The following IQCK variants were observed in gnomAD, a reference collection of about 807,000 sequenced individuals.
IQCK encodes IQ domain-containing protein K.
Under a neutral mutation model 28.1 loss-of-function variants are expected in IQCK, and 29 were observed. The ratio of observed to expected loss-of-function variants is 1.03; its 90% CI spans 0.77 to 1.41. IQCK has a LOEUF of 1.41. Ranked by LOEUF, IQCK falls within the 40% of genes most tolerant of loss-of-function variation. IQCK has a pLI of 0.00. For missense variants in IQCK, 359 were observed against 314.7 expected, an observed-to-expected ratio of 1.14 and a Z score of -1.07; for synonymous variants, 113 against 115.1, an observed-to-expected ratio of 0.98 and a Z score of 0.12.
At chr16:19,856,378 G>C (rs980294994) in intron 9 of IQCK, 109 bp from the exon 9 acceptor site, 45 of 805,120 alleles carry the variant, frequency 5.6e-5, no homozygotes, top group Admixed American at 1.1e-4. Flanking sequence ...GCGCACAGTG[G>C]GTTTTGGTGC....
At chr16:19,830,009 TTGAACGAA>T (rs1452561822), downstream of IQCK, among the ~76,000 whole-genome samples, 6 of 138,040 alleles carry the variant, frequency 4.3e-5, no homozygotes, top group South Asian at 6.8e-4. Context: ...TAAATATCAG[TTGAACGAA>T]TGAATGAATG....
intron 7 of IQCK, among the ~76,000 whole-genome samples, chr16:19,807,186 A>T (rs1750012492): frequency 6.6e-6 from 1 of 152,206 alleles, no homozygotes; most frequent in Non-Finnish European, 1.5e-5. Flanking sequence ...GCCAACAGCC[A>T]TGGGAGGGAG....
chr16:19,730,450 C>A, exon 2 of IQCK: 1 of 1,609,228 alleles, frequency 6.2e-7, no homozygotes, highest in South Asian at 1.1e-5. Context: ...TGAGCAGCCT[C>A]CCTTTCCAGA....
downstream of IQCK, among the ~76,000 whole-genome samples, chr16:19,829,611 A>G (rs1224821480): frequency 6.6e-6 from 1 of 152,146 alleles, no homozygotes; most frequent in Non-Finnish European, 1.5e-5. Context: ...TGCTGGGATT[A>G]CAGGCATCAG....
chr16:19,777,702 C>T (rs74013319), intron 6 of IQCK, among the ~76,000 whole-genome samples: 8,327 of 152,144 alleles, frequency 0.055, 710 homozygotes, highest in African/African-American at 0.18. Flanking sequence ...CTTTCTCAGG[C>T]GCACTCAGTA....
chr16:19,810,678 C>T (rs557481519), intron 7 of IQCK, among the ~76,000 whole-genome samples: 9 of 147,340 alleles, frequency 6.1e-5, no homozygotes, highest in Admixed American at 2.0e-4. Flanking sequence ...CAGTGGTGGG[C>T]GCCTGTAATC....
chr16:19,803,692 G>C (rs768477237), intron 7 of IQCK, among the ~76,000 whole-genome samples: 1 of 152,098 alleles, frequency 6.6e-6, no homozygotes, highest in Non-Finnish European at 1.5e-5. Flanking sequence ...TTAGTTTGCT[G>C]TACAGGCTGA....
intron 6 of IQCK, among the ~76,000 whole-genome samples, chr16:19,778,378 TA>T (rs1424431721): frequency 1.3e-5 from 2 of 151,946 alleles, no homozygotes; most frequent in Non-Finnish European, 2.9e-5. Flanking sequence ...GTGTCAGAGT[TA>T]AATTAAATTG....
downstream of IQCK, chr16:19,827,197 G>A (rs1322568596): frequency 8.8e-6 from 11 of 1,244,230 alleles, no homozygotes; most frequent in Non-Finnish European, 1.3e-5. Flanking sequence ...CTTATTCCAG[G>A]CTCAAGAAGG....
chr16:19,739,776 C>G (rs2054806598), intron 4 of IQCK, among the ~76,000 whole-genome samples: 1 of 152,090 alleles, frequency 6.6e-6, no homozygotes, highest in South Asian at 2.1e-4. Context: ...GATGGCGCCA[C>G]TGCACTCCAG....
chr16:19,793,864 A>T (rs965114572), intron 7 of IQCK, among the ~76,000 whole-genome samples: 1 of 16,318 alleles, frequency 6.1e-5, no homozygotes, highest in Non-Finnish European at 1.0e-4. Flanking sequence ...AATGGAATAG[A>T]ATTGAGAGTC....
intron 7 of IQCK, among the ~76,000 whole-genome samples, chr16:19,799,595 T>TACACACACACAC (rs1294252121): frequency 8.9e-6 from 1 of 112,254 alleles, no homozygotes; most frequent in African/African-American, 5.1e-5. Flanking sequence ...TATATATATA[T>TACACACACACAC]ATACACACAC....
intron 1 of IQCK, 44 bp downstream of exon 1, chr16:19,718,531 C>A (rs754095415): frequency 8.0e-6 from 12 of 1,493,580 alleles, no homozygotes; most frequent in Middle Eastern, 1.9e-4. Context: ...CCCGGGCGGC[C>A]GGACGGGGGC....
chr16:19,757,580 C>A (rs1226943637), intron 4 of IQCK, among the ~76,000 whole-genome samples: 2 of 152,180 alleles, frequency 1.3e-5, no homozygotes, highest in East Asian at 3.9e-4. Context: ...ACTTAGGAGG[C>A]TGAGGCTTGA....
At chr16:19,775,866 CTTTTTTTTTTTTTT>C (rs570530152) in intron 6 of IQCK, among the ~76,000 whole-genome samples, 22 of 37,728 alleles carry the variant, frequency 5.8e-4, no homozygotes, top group Non-Finnish European at 8.4e-4. Context: ...TGGGCACAGG[CTTTTTTTTTTTTTT>C]TTTTTTTTTT....
At chr16:19,831,869 T>C (rs1359495320), downstream of IQCK, among the ~76,000 whole-genome samples, 1 of 152,082 alleles carries the variant, frequency 6.6e-6, no homozygotes, top group African/African-American at 2.4e-5. Context: ...ATAGCCTGTC[T>C]CACATTACAG....
chr16:19,797,573 T>A (rs2055704997), intron 7 of IQCK, among the ~76,000 whole-genome samples: 2 of 68,144 alleles, frequency 2.9e-5, no homozygotes, highest in Admixed American at 1.6e-4. Context: ...TGATGAACAA[T>A]ACAGTGCCAG....
chr16:19,718,531 C>T (rs754095415), intron 1 of IQCK, 44 bp downstream of exon 1: 2 of 1,493,466 alleles, frequency 1.3e-6, no homozygotes, highest in African/African-American at 1.4e-5. Flanking sequence ...CCCGGGCGGC[C>T]GGACGGGGGC....
At chr16:19,858,328 G>A (rs181815340) in exon 10 of IQCK, 4 of 441,992 alleles carry the variant, frequency 9.0e-6, no homozygotes, top group Non-Finnish European at 1.6e-5. Flanking sequence ...TAAAAGGGGG[G>A]AAAAAGGTCT....
Sources: allele counts gnomAD v4.1 joint callset (sites outside exome capture counted in the v4.1 genomes callset), GRCh38; gene constraint gnomAD v4.1.1; transcripts MANE v1.5; gene names NCBI Gene and HGNC (gene_info 2026-07-23, HGNC 2026-07-21).